Variants in SLC25A21 observed in about 807,000 individuals in gnomAD.
SLC25A21 encodes solute carrier family 25 member 21, also known as mitochondrial 2-oxodicarboxylate carrier.
Under a neutral mutation model 43.8 loss-of-function variants are expected in SLC25A21, and 47 were observed. The ratio of observed to expected loss-of-function variants is 1.07; its 90% CI spans 0.85 to 1.37. SLC25A21 has a LOEUF of 1.37. Ranked by LOEUF, SLC25A21 falls within the 40% of genes most tolerant of loss-of-function variation. The pLI is 0.00. For missense variants in SLC25A21, 352 were observed against 350.2 expected (o/e 1.00, Z -0.04); for synonymous variants, 131 against 121.3 (o/e 1.08, Z -0.52).
At chr14:37,000,764 C>A (rs10137636) in intron 1 of SLC25A21, among the ~76,000 whole-genome samples, 66,757 of 151,930 alleles carry the variant, frequency 0.44, 17,867 homozygotes, top group African/African-American at 0.77. Context: ...TTTTCATGAG[C>A]TCTGATGGTT....
intron 1 of SLC25A21, among the ~76,000 whole-genome samples, chr14:37,111,525 G>C (rs967108401): frequency 1.3e-5 from 2 of 152,086 alleles, no homozygotes; most frequent in Admixed American, 6.6e-5. Flanking sequence ...AGAGAACTCC[G>C]TTTATTTTAT....
chr14:36,774,435 T>C (rs993436030), intron 3 of SLC25A21, among the ~76,000 whole-genome samples: 4 of 152,210 alleles, frequency 2.6e-5, no homozygotes. Context: ...TTTCCTGAGA[T>C]TACTTCTGGG....
chr14:36,856,836 A>C (rs1029119481), intron 2 of SLC25A21, among the ~76,000 whole-genome samples: 7 of 152,208 alleles, frequency 4.6e-5, no homozygotes, highest in Non-Finnish European at 8.8e-5. Context: ...GAAAACATGC[A>C]GTCAGATGGA....
rs560862049 is a variant in SLC25A21 at position 37,127,971 on chromosome 14, G to C, written c.70+44310C>G. ...AGAAGCAATGAGAATGTGATTCTCA[G>C]ATAAGAAACCTAAGAATTCAACAAG... is the stretch of plus-strand genomic sequence containing the variant. On this transcript the variant is annotated intron_variant, in intron 1 of 9. Transcript: ENST00000331299. 5.3e-5 allele frequency among the ~76,000 whole-genome samples: 8 copies of C among 152,300 alleles called. No homozygotes were observed. In the East Asian group the frequency reaches 1.5e-3, roughly 29 times the overall value.
At chr14:37,009,581 A>G (rs549071915) in intron 1 of SLC25A21, among the ~76,000 whole-genome samples, 5 of 152,294 alleles carry the variant, frequency 3.3e-5, no homozygotes, top group Admixed American at 6.5e-5. Context: ...GCTAGTTTCC[A>G]TATGTCCCTA....
At chr14:36,977,611 C>T (rs1480788971) in intron 1 of SLC25A21, among the ~76,000 whole-genome samples, 1 of 152,100 alleles carries the variant, frequency 6.6e-6, no homozygotes, top group Non-Finnish European at 1.5e-5. Flanking sequence ...GAAGATGTCA[C>T]CACACCATAA....
intron 3 of SLC25A21, among the ~76,000 whole-genome samples, chr14:36,792,932 T>C (rs928006182): frequency 1.3e-5 from 2 of 152,122 alleles, no homozygotes; most frequent in African/African-American, 4.8e-5. Context: ...ACCCCACATC[T>C]TAAAAGCAGT....
At chr14:36,979,332 G>GTTTTTTTTTTT (rs1283870965) in intron 1 of SLC25A21, among the ~76,000 whole-genome samples, 1 of 119,104 alleles carries the variant, frequency 8.4e-6, no homozygotes, top group African/African-American at 3.1e-5. Context: ...TGTTTTTTTG[G>GTTTTTTTTTTT]TTTTTTTTTT....
chr14:36,893,740 C>A (rs1382578615), intron 1 of SLC25A21, among the ~76,000 whole-genome samples: 2 of 152,092 alleles, frequency 1.3e-5, no homozygotes, highest in Non-Finnish European at 2.9e-5. Flanking sequence ...AGGAAGGGAT[C>A]CAGTTTCAGC....
At chr14:37,050,943 C>T (rs1199866353) in intron 1 of SLC25A21, among the ~76,000 whole-genome samples, 1 of 152,196 alleles carries the variant, frequency 6.6e-6, no homozygotes, top group African/African-American at 2.4e-5. Flanking sequence ...GACAATAGCA[C>T]AGAATATTTA....
intron 6 of SLC25A21, among the ~76,000 whole-genome samples, chr14:36,715,356 A>G (rs576431756): frequency 1.3e-5 from 2 of 152,350 alleles, no homozygotes; most frequent in South Asian, 4.1e-4. Flanking sequence ...ATAGGAAAAT[A>G]TAGAATAATT....
intron 2 of SLC25A21, among the ~76,000 whole-genome samples, chr14:36,835,313 T>C (rs1490569218): frequency 6.6e-6 from 1 of 152,170 alleles, no homozygotes; most frequent in African/African-American, 2.4e-5. Flanking sequence ...CTACATGACA[T>C]TAACAAATTA....
At chr14:37,036,117 C>G (rs1407795870) in intron 1 of SLC25A21, among the ~76,000 whole-genome samples, 1 of 152,124 alleles carries the variant, frequency 6.6e-6, no homozygotes, top group Non-Finnish European at 1.5e-5. Context: ...TTCTACCCAG[C>G]AAAGGTGCCT....
At position 36,725,634 on chromosome 14, in the gene SLC25A21, A is replaced by G. The variant is rs1214863006; in HGVS notation, c.374T>C (p.Ile125Thr). 2.5e-6 allele frequency: 4 copies of G among 1,602,402 alleles called. No homozygotes were observed. The highest frequency in any genetic ancestry group is 3.4e-6 in the Non-Finnish European group (4 of 1,174,652). ...TACTACCTCAAAAGGGTTAACTACA[A>G]TGGCTTCTGTTAGTCCAGATCCCAA... ...AGLGSGLTEA[I>T]VVNPFEVVKV... Residue 125 changes from isoleucine (I) to threonine (T), a missense_variant, in exon 6 of 10, where the codon ATT becomes ACT. By Grantham distance (89) the Ile-to-Thr change is moderately conservative (BLOSUM62 -1). Coordinates refer to ENST00000331299, the MANE Select transcript of SLC25A21 (RefSeq NM_030631.4).
intron 1 of SLC25A21, among the ~76,000 whole-genome samples, chr14:37,164,740 A>G (rs1019654313): frequency 4.6e-5 from 7 of 152,154 alleles, no homozygotes; most frequent in Admixed American, 3.9e-4. Context: ...AAAACATCCT[A>G]TATCTTTTTA....
chr14:36,879,371 A>T (rs1890641232), intron 1 of SLC25A21, among the ~76,000 whole-genome samples: 1 of 152,214 alleles, frequency 6.6e-6, no homozygotes, highest in Non-Finnish European at 1.5e-5. Flanking sequence ...GATTTGTTTA[A>T]ACTAGACAAA....
At chr14:37,048,705 G>A (rs1024816919) in intron 1 of SLC25A21, among the ~76,000 whole-genome samples, 1 of 152,124 alleles carries the variant, frequency 6.6e-6, no homozygotes, top group African/African-American at 2.4e-5. Flanking sequence ...CTCTGAGTCA[G>A]CTTCCTCACC....
intron 3 of SLC25A21, among the ~76,000 whole-genome samples, chr14:36,811,033 G>T (rs1239339615): frequency 6.6e-6 from 1 of 151,918 alleles, no homozygotes. Flanking sequence ...TGGGGATAGG[G>T]TCCTTCAGGA....
intron 1 of SLC25A21, among the ~76,000 whole-genome samples, chr14:37,002,017 T>G (rs1056282785): frequency 1.3e-5 from 2 of 152,182 alleles, no homozygotes; most frequent in Non-Finnish European, 1.5e-5. Context: ...AATATTTCAT[T>G]ATTTATTAAG....
Sources: gnomAD v4.1 joint callset for allele counts (sites outside exome capture counted in the v4.1 genomes callset) on GRCh38, gnomAD v4.1.1 for gene constraint, MANE v1.5 for transcripts, NCBI Gene and HGNC (gene_info 2026-07-23, HGNC 2026-07-21) for gene names.